The following FANK1 variants were observed in gnomAD, a reference collection of about 807,000 sequenced individuals.
FANK1 encodes fibronectin type III and ankyrin repeat domains 1, also known as fibronectin type 3 and ankyrin repeat domains protein 1.
Under a neutral mutation model 45.3 loss-of-function variants are expected in FANK1, and 44 were observed. That is an observed-to-expected ratio of 0.97 (90% CI 0.76 to 1.25). The LOEUF (loss-of-function observed/expected upper bound fraction) is 1.25, where lower values mean the gene tolerates loss of function less well. Among genes scored for constraint, FANK1 ranks in the 50% most tolerant of loss-of-function variants. FANK1 has a pLI of 0.00. For synonymous variants in FANK1, 149 were observed against 152.5 expected (o/e 0.98, Z 0.17); for missense variants, 391 against 424.4 (o/e 0.92, Z 0.69).
intron 3 of FANK1, among the ~76,000 whole-genome samples, chr10:125,993,117 G>C (rs1427574449): frequency 1.3e-5 from 2 of 152,120 alleles, no homozygotes; most frequent in African/African-American, 4.8e-5. Flanking sequence ...AAAGCACTGG[G>C]TAAAAAGCCT....
At chr10:125,980,530 G>T in intron 2 of FANK1, 192 bp downstream of exon 2, 1 of 548,284 alleles carries the variant, frequency 1.8e-6, no homozygotes, top group Non-Finnish European at 3.1e-6. Context: ...TTAAACCTCT[G>T]TACCTTTGAG....
At chr10:125,979,918 G>A (rs2176097) in intron 1 of FANK1, 243,545 of 612,204 alleles carry the variant, frequency 0.4, 49,667 homozygotes, top group South Asian at 0.45. Context: ...CAGTGGGGGT[G>A]GTATGATATT....
rs1951718049 is a variant in FANK1 at position 125,988,565 on chromosome 10, A to G, written c.206A>G (p.Lys69Arg). ...CTCCTGTCTAGGGGATATGCAACGA[A>G]GCATGTTGTTGAAGGTCTGGAACCA... ...YGIIYTGYAT[K>R]HVVEGLEPRT... is the part of the protein sequence containing the mutation. The change falls in exon 3 of 11, where the codon AAG (lysine) becomes AGG (arginine). Residue 69 changes from lysine (K) to arginine (R), a missense_variant. Lys to Arg is a conservative substitution (Grantham distance 26, BLOSUM62 2). Transcript: ENST00000368693. 5.6e-6 allele frequency: 9 copies of G among 1,614,164 alleles called. No homozygotes were observed. Among genetic ancestry groups the G allele is most frequent in the Non-Finnish European group, 7.6e-6 (9 of 1,180,016 alleles).
chr10:125,932,456 T>C (rs1309540754), intron 1 of FANK1, among the ~76,000 whole-genome samples: 1 of 152,212 alleles, frequency 6.6e-6, no homozygotes, highest in Non-Finnish European at 1.5e-5. Context: ...TTAGTTTTTT[T>C]GCAGCTGTTG....
intron 1 of FANK1, among the ~76,000 whole-genome samples, chr10:125,908,793 G>T (rs1945752604): frequency 7.8e-6 from 1 of 128,404 alleles, no homozygotes; most frequent in Non-Finnish European, 1.7e-5. Flanking sequence ...ACTTAAAAAA[G>T]AACATGTATT....
chr10:125,963,146 G>A (rs1428563582), intron 1 of FANK1, among the ~76,000 whole-genome samples: 2 of 152,132 alleles, frequency 1.3e-5, no homozygotes, highest in Admixed American at 6.5e-5. Context: ...ACCATGCCCG[G>A]CTAATTTTTG....
intron 1 of FANK1, among the ~76,000 whole-genome samples, chr10:125,948,826 T>G (rs1475680633): frequency 6.7e-6 from 1 of 149,368 alleles, no homozygotes; most frequent in Admixed American, 6.7e-5. Context: ...AAAAGAGAAT[T>G]TTAGACCAAT....
At chr10:125,947,954 A>G (rs932878299) in intron 1 of FANK1, among the ~76,000 whole-genome samples, 1 of 150,044 alleles carries the variant, frequency 6.7e-6, no homozygotes, top group Non-Finnish European at 1.5e-5. Flanking sequence ...CTCAGGATTA[A>G]GAATCTCACT....
At chr10:125,902,514 G>A (rs1348893972) in intron 1 of FANK1, among the ~76,000 whole-genome samples, 2 of 152,224 alleles carry the variant, frequency 1.3e-5, no homozygotes, top group African/African-American at 4.8e-5. Context: ...ACAAAGGGCT[G>A]TGCTCCAGTG....
intron 6 of FANK1, among the ~76,000 whole-genome samples, chr10:126,003,770 G>A (rs1022868149): frequency 6.6e-6 from 1 of 151,978 alleles, no homozygotes; most frequent in Non-Finnish European, 1.5e-5. Flanking sequence ...CCGCCTCCTG[G>A]GTTCAAGTGA....
intron 1 of FANK1, among the ~76,000 whole-genome samples, chr10:125,919,258 C>T (rs11244701): frequency 0.49 from 64,594 of 131,758 alleles, 15,720 homozygotes; most frequent in African/African-American, 0.58. Context: ...CAGGCTGGAG[C>T]GCAGTGGCAT....
chr10:125,969,994 A>G (rs2134188830), intron 1 of FANK1, among the ~76,000 whole-genome samples: 1 of 152,380 alleles, frequency 6.6e-6, no homozygotes, highest in East Asian at 1.9e-4. Context: ...TTCTTAGTAC[A>G]GAACGAAATG....
chr10:125,914,155 A>G (rs1352253863), intron 1 of FANK1, among the ~76,000 whole-genome samples: 3 of 152,144 alleles, frequency 2.0e-5, no homozygotes, highest in Admixed American at 6.5e-5. Context: ...ACAACTTCCT[A>G]TGGACATTAG....
At chr10:125,934,629 G>T (rs1469606595) in intron 1 of FANK1, among the ~76,000 whole-genome samples, 1 of 150,738 alleles carries the variant, frequency 6.6e-6, no homozygotes, top group Non-Finnish European at 1.5e-5. Context: ...GATGAGAGCC[G>T]CTGCCATTTA....
chr10:125,903,889 G>A (rs192184528), intron 1 of FANK1, among the ~76,000 whole-genome samples: 2 of 151,552 alleles, frequency 1.3e-5, no homozygotes, highest in South Asian at 2.1e-4. Context: ...CACTCTTGTC[G>A]CCCAGGCTGG....
chr10:125,930,316 G>A (rs1046820279), intron 1 of FANK1, among the ~76,000 whole-genome samples: 2 of 151,470 alleles, frequency 1.3e-5, no homozygotes, highest in African/African-American at 4.9e-5. Context: ...TTACAGGTGT[G>A]AGTCACCACG....
At position 125,906,515 on chromosome 10, in the gene FANK1, C is replaced by CAAAAAAAAAAAAAAAAAAAAAA. The variant is rs34132526; in HGVS notation, c.13+9868_13+9889dup. On this transcript the variant is annotated intron_variant, in intron 1 of 10. Transcript: ENST00000368693. ...TTGGGGACAGAGCAAGACTCTGTCT[C>CAAAAAAAAAAAAAAAAAAAAAA]AAAAAAAAAAAAAAAAAAAAAAAAA... Among the ~76,000 whole-genome samples, 18 of 46,422 alleles carry CAAAAAAAAAAAAAAAAAAAAAA rather than the reference C, an allele frequency of 3.9e-4. 2 individuals carry two copies. Among genetic ancestry groups the CAAAAAAAAAAAAAAAAAAAAAA allele is most frequent in the East Asian group, 6.3e-4 (1 of 1,584 alleles). The allele number at this position is 46,422 out of a possible 152,430, so 30.5% of individuals were successfully genotyped here. A position where few individuals can be genotyped will look rare whatever the true frequency, so the allele number is the denominator to read the frequency against.
At chr10:125,932,368 T>C (rs1490892353) in intron 1 of FANK1, among the ~76,000 whole-genome samples, 1 of 152,212 alleles carries the variant, frequency 6.6e-6, no homozygotes, top group Non-Finnish European at 1.5e-5. Context: ...GTGTCATCTA[T>C]GATTTATTTC....
chr10:125,996,516 A>G (rs757266695), intron 4 of FANK1, 34 bp from the exon 5 acceptor site: 1 of 1,607,856 alleles, frequency 6.2e-7, no homozygotes, highest in South Asian at 1.1e-5. Flanking sequence ...AGCTGTACTG[A>G]GCATGTTTAT....
Sources: allele counts gnomAD v4.1 joint callset (sites outside exome capture counted in the v4.1 genomes callset), GRCh38; gene constraint gnomAD v4.1.1; transcripts MANE v1.5; gene names NCBI Gene and HGNC (gene_info 2026-07-23, HGNC 2026-07-21).